The following SVOP variants were observed in gnomAD, a reference collection of about 807,000 sequenced individuals.
The protein encoded by SVOP is SV2 related protein.
Under a neutral mutation model 69.1 loss-of-function variants are expected in SVOP, and 17 were observed. That is an observed-to-expected ratio of 0.25 (90% CI 0.17 to 0.37). The LOEUF (loss-of-function observed/expected upper bound fraction) is 0.37. Among genes scored for constraint, SVOP ranks in the 10% least tolerant of loss-of-function variants. The pLI is 1.00. For synonymous variants in SVOP, 238 were observed against 238.6 expected (o/e 1.00, Z 0.02); for missense variants, 435 against 597.5 (o/e 0.73, Z 2.84).
rs1054137511 is a variant in SVOP, at chr12:108,908,522, G to A, written c.*4013C>T. 6.6e-6 allele frequency: 1 copy of A among 151,922 alleles called. No homozygotes were observed. The highest frequency in any genetic ancestry group is 1.5e-5 in the Non-Finnish European group (1 of 67,894). The allele number at this position is 151,922 out of a possible 1,614,324, so 9.4% of individuals were successfully genotyped here. On this transcript the variant is annotated 3_prime_UTR_variant, in exon 16 of 16. Coordinates refer to ENST00000610966, the MANE Select transcript of SVOP (RefSeq NM_018711.5). ...CATGGTGGAACAACATCAGCTGGAA[G>A]GGAGTTGCAGCCCCCCCCTGCAGAC...
Position 108,958,839 on chromosome 12 carries a change from C to G in SVOP, c.578+2084G>C, listed in dbSNP as rs760330050. ...TGAGGGTAAAAAGGCCTAGCCCCCC[C>G]GCCCCAATCTGAAACACCTCTGAAG... On this transcript the variant is annotated intron_variant, in intron 6 of 15. Coordinates refer to ENST00000610966, the MANE Select transcript of SVOP (RefSeq NM_018711.5). Among the ~76,000 whole-genome samples the G allele has an allele frequency of 7.2e-5, 11 of 152,196 alleles. No homozygotes were observed. The South Asian group carries it at 1.5e-3, about 20-fold the overall frequency.
chr12:108,934,485 G>A (rs2039844363), intron 10 of SVOP, among the ~76,000 whole-genome samples: 1 of 152,138 alleles, frequency 6.6e-6, no homozygotes, highest in Non-Finnish European at 1.5e-5. Context: ...TGTGTCCTTT[G>A]AAAGACCAAG....
chr12:108,919,844 T>A (rs2039738006), intron 12 of SVOP, 58 bp from the exon 13 acceptor site: 1 of 1,176,478 alleles, frequency 8.5e-7, no homozygotes, highest in Non-Finnish European at 1.2e-6. Flanking sequence ...ATGCCCTCCA[T>A]CCTCGTAGCA....
chr12:108,938,546 T>C (rs1470413652), intron 9 of SVOP, among the ~76,000 whole-genome samples: 2 of 152,242 alleles, frequency 1.3e-5, no homozygotes, highest in African/African-American at 4.8e-5. Context: ...CAGGAGCAGT[T>C]ACAGGACCCA....
intron 1 of SVOP, among the ~76,000 whole-genome samples, chr12:108,990,599 G>A (rs2040194156): frequency 6.6e-6 from 1 of 151,872 alleles, no homozygotes; most frequent in Non-Finnish European, 1.5e-5. Flanking sequence ...CATGGCACAT[G>A]TATACATATG....
Position 108,956,250 on chromosome 12 carries a change from C to T in SVOP, c.578+4673G>A, listed in dbSNP as rs186368986. ...CCTGGAGGCGGAGCTTGTAGTGAGC[C>T]GAGATTGCGCCACTGCACTCCAGCC... On this transcript the variant is annotated intron_variant, in intron 6 of 15. Transcript: ENST00000610966. 4.7e-5 allele frequency among the ~76,000 whole-genome samples: 7 copies of T among 149,290 alleles called. 1 individual carries two copies. The highest frequency in any genetic ancestry group is 1.7e-4 in the African/African-American group (7 of 40,490).
chr12:108,910,909 A>G lies in SVOP; in HGVS notation c.*1626T>C, dbSNP rs567497433. On this transcript the variant is annotated 3_prime_UTR_variant, in exon 16 of 16. Coordinates refer to ENST00000610966, the MANE Select transcript of SVOP (RefSeq NM_018711.5). ...ATGTCCATCACTGACATGTTTTAAT[A>G]AGAGTTGAACGCACAAATTGGCTTC... 1 of 152,330 alleles carries G rather than the reference A, an allele frequency of 6.6e-6. No homozygotes were observed. The highest frequency in any genetic ancestry group is 2.4e-5 in the African/African-American group (1 of 41,572). The allele number at this position is 152,330 out of a possible 1,614,324, so 9.4% of individuals were successfully genotyped here. A position where few individuals can be genotyped will look rare whatever the true frequency, so the allele number is the denominator to read the frequency against.
At chr12:109,004,292 T>C (rs1473890407) in intron 1 of SVOP, among the ~76,000 whole-genome samples, 3 of 152,132 alleles carry the variant, frequency 2.0e-5, no homozygotes, top group Admixed American at 2.0e-4. Context: ...AATTTTGCTA[T>C]TTAAGGAAGA....
intron 6 of SVOP, among the ~76,000 whole-genome samples, chr12:108,947,980 C>T (rs956270783): frequency 2.6e-5 from 4 of 152,106 alleles, no homozygotes; most frequent in Admixed American, 6.5e-5. Context: ...ATGGCTCATA[C>T]CTGCAACCTT....
At chr12:108,954,900 G>A (rs956576871) in intron 6 of SVOP, among the ~76,000 whole-genome samples, 2 of 152,162 alleles carry the variant, frequency 1.3e-5, no homozygotes, top group Admixed American at 6.5e-5. Flanking sequence ...GAGCATGGTG[G>A]TGTGTGCCTG....
chr12:108,973,716 G>T (rs528371466), intron 4 of SVOP, among the ~76,000 whole-genome samples: 41 of 152,210 alleles, frequency 2.7e-4, no homozygotes, highest in African/African-American at 9.9e-4. Context: ...ATCATTTTAA[G>T]GGAATTCATT....
intron 8 of SVOP, among the ~76,000 whole-genome samples, chr12:108,939,449 A>G (rs1032324750): frequency 2.0e-5 from 3 of 152,214 alleles, no homozygotes; most frequent in Non-Finnish European, 4.4e-5. Flanking sequence ...AAAGAAAGAA[A>G]TCAGAAAGAT....
intron 3 of SVOP, among the ~76,000 whole-genome samples, chr12:108,977,712 C>T (rs372667171): frequency 6.6e-5 from 10 of 152,246 alleles, no homozygotes; most frequent in African/African-American, 1.2e-4. Context: ...ATATTATTTT[C>T]GTGTGTGGTT....
chr12:108,918,485 T>C (rs2039727984), intron 13 of SVOP, among the ~76,000 whole-genome samples: 1 of 152,186 alleles, frequency 6.6e-6, no homozygotes. Context: ...AACCACTATT[T>C]AGTATTCTTA....
intron 4 of SVOP, among the ~76,000 whole-genome samples, chr12:108,973,305 T>A (rs1462780401): frequency 1.3e-5 from 2 of 152,178 alleles, no homozygotes; most frequent in Non-Finnish European, 2.9e-5. Context: ...GCATTTCTTG[T>A]GGCATGTCCG....
At chr12:108,937,009 C>T (rs1242195299) in intron 10 of SVOP, 1 of 460,248 alleles carries the variant, frequency 2.2e-6, no homozygotes, top group South Asian at 2.3e-5. Context: ...CTGCAGTAAG[C>T]TAGGAGAGCG....
At chr12:108,968,825 G>C (rs899516752) in intron 5 of SVOP, among the ~76,000 whole-genome samples, 1 of 150,958 alleles carries the variant, frequency 6.6e-6, no homozygotes, top group Non-Finnish European at 1.5e-5. Flanking sequence ...ACAGAGTCTC[G>C]CTCTGTTGCC....
At chr12:108,953,251 C>T (rs903049237) in intron 6 of SVOP, among the ~76,000 whole-genome samples, 5 of 145,600 alleles carry the variant, frequency 3.4e-5, no homozygotes, top group African/African-American at 1.0e-4. Flanking sequence ...TGGGTTCAAG[C>T]GATTCTCCTG....
At chr12:108,987,304 T>A (rs571500330) in intron 1 of SVOP, among the ~76,000 whole-genome samples, 1 of 152,328 alleles carries the variant, frequency 6.6e-6, no homozygotes, top group South Asian at 2.1e-4. Context: ...CTGAATAATA[T>A]TCCATTGTGT....
Sources: allele counts gnomAD v4.1 joint callset (sites outside exome capture counted in the v4.1 genomes callset), GRCh38; gene constraint gnomAD v4.1.1; transcripts MANE v1.5; gene names NCBI Gene and HGNC (gene_info 2026-07-23, HGNC 2026-07-21).